The following RBM26 variants were observed in gnomAD, a reference collection of about 807,000 sequenced individuals.
RBM26 encodes RNA-binding protein 26.
In RBM26, 30 loss-of-function variants were observed where a neutral mutation model predicts 123.6. The ratio of observed to expected loss-of-function variants is 0.24; its 90% CI spans 0.18 to 0.33. RBM26 has a LOEUF of 0.33. Ranked by LOEUF, RBM26 falls within the 10% of genes least tolerant of loss-of-function variation. The probability of loss-of-function intolerance (pLI) is 1.00; values close to 1 mark genes in which losing one functional copy is unlikely to be tolerated. For synonymous variants in RBM26, 400 were observed against 404.4 expected, an observed-to-expected ratio of 0.99 and a Z score of 0.13; for missense variants, 947 against 1,203.6, an observed-to-expected ratio of 0.79 and a Z score of 3.15.
intron 9 of RBM26, among the ~76,000 whole-genome samples, chr13:79,360,319 C>G (rs1004870936): frequency 1.1e-4 from 17 of 152,086 alleles, no homozygotes; most frequent in Admixed American, 1.0e-3. Context: ...ACTGTACATT[C>G]AAATACAGTA....
Position 79,368,998 on chromosome 13 carries a change from G to A in RBM26, c.635-8C>T, listed in dbSNP as rs781089848. 15 of 1,566,390 alleles carry A rather than the reference G, an allele frequency of 9.6e-6. No individual in the cohort carries two copies. In the East Asian group the frequency reaches 1.4e-4, roughly 14 times the overall value. On this transcript the variant is annotated splice_polypyrimidine_tract_variant and splice_region_variant and intron_variant, in intron 5 of 21. Transcript: ENST00000438737. Reference sequence around the variant, plus strand: ...GTTTTACCAGATCCCTTTCTGCAACGAAAGATAAATGACATATAAAACTAC... The same window carrying A: ...GTTTTACCAGATCCCTTTCTGCAACAAAAGATAAATGACATATAAAACTAC...
chr13:79,311,913 AAAT>A (rs1294029779), exon 5 of RBM26: 6 of 152,196 alleles, frequency 3.9e-5, no homozygotes, highest in Non-Finnish European at 8.8e-5. Context: ...ATTCAACTAT[AAAT>A]AATAAAAATG....
intron 10 of RBM26, 144 bp from the exon 11 acceptor site, chr13:79,358,577 A>G: frequency 1.5e-6 from 1 of 686,628 alleles, no homozygotes; most frequent in Non-Finnish European, 2.4e-6. Context: ...AGGAAATTTA[A>G]ATTTTCTTCC....
intron 14 of RBM26, 41 bp from the exon 15 acceptor site, chr13:79,344,835 G>T (rs769556302): frequency 5.0e-6 from 8 of 1,588,100 alleles, no homozygotes; most frequent in Non-Finnish European, 6.0e-6. Flanking sequence ...TATATCAGCC[G>T]TTCATGATAT....
chr13:79,338,254 A>G (rs2070793493), intron 18 of RBM26, among the ~76,000 whole-genome samples: 1 of 152,226 alleles, frequency 6.6e-6, no homozygotes, highest in Admixed American at 6.5e-5. Flanking sequence ...TATATTAATG[A>G]GAAGTGACTC....
intron 9 of RBM26, among the ~76,000 whole-genome samples, chr13:79,363,701 T>A (rs756322780): frequency 6.6e-6 from 1 of 152,124 alleles, no homozygotes; most frequent in East Asian, 1.9e-4. Context: ...TTACCACACA[T>A]CCAACTTGTA....
chr13:79,342,535 G>T, intron 17 of RBM26, 129 bp downstream of exon 17: 1 of 655,614 alleles, frequency 1.5e-6, no homozygotes, highest in South Asian at 2.2e-5. Context: ...TATGGCAGGG[G>T]GAGAATGGTA....
intron 1 of RBM26, among the ~76,000 whole-genome samples, chr13:79,401,856 C>T (rs939508098): frequency 6.6e-6 from 1 of 152,092 alleles, no homozygotes. Flanking sequence ...ATCTTCCTTC[C>T]ACCACACACT....
rs2072019744 is a variant in RBM26 at position 79,344,717 on chromosome 13, A to G, written c.2136T>C (p.Leu712=). ...TATTATCAACTGCAGAGGTGGAAAC[A>G]AGTAAGGTTTTCTGTGCAGCCTTCA... ...AALKAAQKTL[L]VSTSAVDNNE... Residue 712 remains leucine (L), a synonymous_variant, in exon 15 of 22, where the codon CTT becomes CTC. Coordinates refer to ENST00000438737, the MANE Select transcript of RBM26 (RefSeq NM_001366735.2). 4 of 1,613,310 alleles carry G rather than the reference A, an allele frequency of 2.5e-6. No individual in the cohort carries two copies. The East Asian group carries it at 8.9e-5, about 36-fold the overall frequency.
At chr13:79,382,738 A>G (rs532055223) in intron 1 of RBM26, among the ~76,000 whole-genome samples, 3 of 152,304 alleles carry the variant, frequency 2.0e-5, no homozygotes, top group South Asian at 2.1e-4. Context: ...AATTATAAAC[A>G]TGCAATAAAA....
At chr13:79,358,847 G>A (rs2074329910) in intron 10 of RBM26, among the ~76,000 whole-genome samples, 1 of 151,848 alleles carries the variant, frequency 6.6e-6, no homozygotes, top group Non-Finnish European at 1.5e-5. Context: ...TTTCTTTGAT[G>A]ACAGTCTCAA....
intron 1 of RBM26, among the ~76,000 whole-genome samples, chr13:79,400,952 A>C (rs1364665469): frequency 6.6e-6 from 1 of 152,200 alleles, no homozygotes; most frequent in African/African-American, 2.4e-5. Context: ...CAGCGACAGG[A>C]ACAGAAAGCT....
rs1230534962 is a variant in RBM26 at position 79,350,751 on chromosome 13, C to A, written c.2058+2402G>T. 2.0e-5 allele frequency among the ~76,000 whole-genome samples: 3 copies of A among 152,076 alleles called. No homozygotes were observed. In the East Asian group the frequency reaches 5.8e-4, roughly 29 times the overall value. On this transcript the variant is annotated intron_variant, in intron 14 of 21. Transcript: ENST00000438737. ...CCTTCATTTTTTTTAAAAAAAGAATCTTTCAACTAATATTTGATGATGGGG... is the reference window on the plus strand; with the variant it reads ...CCTTCATTTTTTTTAAAAAAAGAATATTTCAACTAATATTTGATGATGGGG...
Position 79,319,753 on chromosome 13 carries a change from A to G in RBM26, c.*868T>C, listed in dbSNP as rs1466970722. The G allele has an allele frequency of 1.0e-6, 1 of 982,498 alleles. No individual in the cohort carries two copies. Among genetic ancestry groups the G allele is most frequent in the Non-Finnish European group, 1.2e-6 (1 of 827,534 alleles). 60.9% of individuals were successfully genotyped at this position (982,498 alleles called of 1,614,324 possible). ...TAGGATCAAACCAAACTCAAGTGGTATAATTTTTAAACATTGGATTGTACA... is the reference window on the plus strand; with the variant it reads ...TAGGATCAAACCAAACTCAAGTGGTGTAATTTTTAAACATTGGATTGTACA... On this transcript the variant is annotated 3_prime_UTR_variant, in exon 22 of 22. Transcript: ENST00000438737.
intron 1 of RBM26, among the ~76,000 whole-genome samples, chr13:79,402,319 A>G (rs1226953748): frequency 6.6e-6 from 1 of 152,152 alleles, no homozygotes; most frequent in Non-Finnish European, 1.5e-5. Flanking sequence ...TGAAAAAGAC[A>G]TTGAAAATTA....
At chr13:79,328,980 C>T (rs2068873500) in intron 20 of RBM26, among the ~76,000 whole-genome samples, 1 of 151,696 alleles carries the variant, frequency 6.6e-6, no homozygotes. Context: ...AGCGTACACA[C>T]TATGGCAAGA....
In RBM26 at chr13:79,371,938, A is replaced by T. The variant is rs75080993; in HGVS notation, c.328-8T>A. 3,816 of 664,872 alleles carry T rather than the reference A, an allele frequency of 5.7e-3. 2 individuals carry two copies. Among genetic ancestry groups the T allele is most frequent in the African/African-American group, 0.031 (1,434 of 46,198 alleles). The allele number at this position is 664,872 out of a possible 1,614,324, so 41.2% of individuals were successfully genotyped here. A position where few individuals can be genotyped will look rare whatever the true frequency, so the allele number is the denominator to read the frequency against. On this transcript the variant is annotated splice_region_variant and splice_polypyrimidine_tract_variant and intron_variant, in intron 3 of 21. Coordinates refer to ENST00000438737, the MANE Select transcript of RBM26 (RefSeq NM_001366735.2). ...CTCTTCCTCCTTAGTGATCTGATTAAAAAAAAAAAAAAAAGTGTACAAGTT... is the reference window on the plus strand; with the variant it reads ...CTCTTCCTCCTTAGTGATCTGATTATAAAAAAAAAAAAAAGTGTACAAGTT...
At chr13:79,391,826 A>G (rs2078022897) in intron 1 of RBM26, among the ~76,000 whole-genome samples, 1 of 151,912 alleles carries the variant, frequency 6.6e-6, no homozygotes, top group Non-Finnish European at 1.5e-5. Flanking sequence ...TCCCTAATAC[A>G]TGAAAAGCTC....
chr13:79,366,923 T>A, intron 6 of RBM26, 51 bp from the exon 7 acceptor site: 1 of 1,435,110 alleles, frequency 7.0e-7, no homozygotes, highest in Non-Finnish European at 9.3e-7. Flanking sequence ...TGGAAATATA[T>A]ATTTTCTCTA....
Sources: allele counts gnomAD v4.1 joint callset (sites outside exome capture counted in the v4.1 genomes callset), GRCh38; gene constraint gnomAD v4.1.1; transcripts MANE v1.5; gene names NCBI Gene and HGNC (gene_info 2026-07-23, HGNC 2026-07-21).